The following NRXN3 variants were observed in gnomAD, a reference collection of about 807,000 sequenced individuals.
The protein encoded by NRXN3 is neurexin 3, also known as neurexin III.
NRXN3 carries 32 observed loss-of-function variants against 137.6 expected under a neutral mutation model. The observed-to-expected ratio is 0.23, with a 90% CI of 0.18 to 0.31. The LOEUF (loss-of-function observed/expected upper bound fraction) is 0.31. Among genes scored for constraint, NRXN3 ranks in the 10% least tolerant of loss-of-function variants. NRXN3 has a pLI of 1.00. For missense variants in NRXN3, 1,574 were observed against 2,062.5 expected, an observed-to-expected ratio of 0.76 and a Z score of 4.59; for synonymous variants, 798 against 784.5, an observed-to-expected ratio of 1.02 and a Z score of -0.29.
intron 19 of NRXN3, among the ~76,000 whole-genome samples, chr14:79,738,455 G>A (rs1268487185): frequency 2.0e-5 from 3 of 152,032 alleles, no homozygotes; most frequent in African/African-American, 7.2e-5. Flanking sequence ...CTCTTTTAGG[G>A]TCTTCAGAGA....
intron 16 of NRXN3, among the ~76,000 whole-genome samples, chr14:79,481,409 T>TA (rs1161237976): frequency 3.3e-5 from 5 of 152,182 alleles, no homozygotes; most frequent in Non-Finnish European, 7.4e-5. Context: ...GTGAACATCA[T>TA]AGAGTGTACT....
intron 16 of NRXN3, among the ~76,000 whole-genome samples, chr14:79,523,540 A>G (rs1249814707): frequency 6.6e-6 from 1 of 152,236 alleles, no homozygotes; most frequent in African/African-American, 2.4e-5. Flanking sequence ...AAAGAAAAAA[A>G]TGGCACTCAC....
At chr14:79,276,241 C>G (rs950119236) in intron 15 of NRXN3, among the ~76,000 whole-genome samples, 1 of 151,920 alleles carries the variant, frequency 6.6e-6, no homozygotes, top group African/African-American at 2.4e-5. Context: ...AGAACAGGAT[C>G]CAGAAAAGAA....
At chr14:78,784,100 A>G (rs999229598) in intron 8 of NRXN3, among the ~76,000 whole-genome samples, 9 of 151,926 alleles carry the variant, frequency 5.9e-5, no homozygotes, top group African/African-American at 2.2e-4. Flanking sequence ...AACAAAATTA[A>G]TTAGATATTT....
chr14:79,476,249 T>C (rs953240879), intron 16 of NRXN3, among the ~76,000 whole-genome samples: 3 of 152,100 alleles, frequency 2.0e-5, no homozygotes, highest in African/African-American at 4.8e-5. Context: ...TAGATCCTGG[T>C]GCTGTCACTG....
At chr14:78,366,953 C>A (rs773721301) in intron 4 of NRXN3, among the ~76,000 whole-genome samples, 19 of 152,158 alleles carry the variant, frequency 1.2e-4, no homozygotes, top group Admixed American at 5.2e-4. Context: ...TCAGGGATGA[C>A]AATCAATGTC....
intron 1 of NRXN3, among the ~76,000 whole-genome samples, chr14:78,194,301 A>G (rs1400150811): frequency 2.7e-5 from 4 of 150,328 alleles, no homozygotes; most frequent in African/African-American, 4.9e-5. Context: ...GGTGCTCCTT[A>G]TGTCTGCCCA....
intron 20 of NRXN3, among the ~76,000 whole-genome samples, chr14:79,820,278 C>A (rs2099267503): frequency 6.6e-6 from 1 of 152,134 alleles, no homozygotes; most frequent in African/African-American, 2.4e-5. Context: ...CTCCTGCCTG[C>A]ATTGCGAGCA....
intron 4 of NRXN3, among the ~76,000 whole-genome samples, chr14:78,311,304 C>T (rs780029267): frequency 6.6e-6 from 1 of 152,144 alleles, no homozygotes; most frequent in Non-Finnish European, 1.5e-5. Flanking sequence ...AGTTAAGTAA[C>T]TTCTTAGCAG....
intron 4 of NRXN3, among the ~76,000 whole-genome samples, chr14:78,556,800 T>C (rs890633883): frequency 2.6e-5 from 4 of 152,034 alleles, no homozygotes; most frequent in South Asian, 2.1e-4. Context: ...ATTGTGATCA[T>C]TGGGCTTCTC....
chr14:78,311,051 CTG>C (rs2077922032), intron 4 of NRXN3, among the ~76,000 whole-genome samples: 1 of 152,132 alleles, frequency 6.6e-6, no homozygotes, highest in Admixed American at 6.5e-5. Context: ...TTTTGACTAT[CTG>C]TGTTTTTACC....
chr14:79,856,585 C>G (rs1462545679), intron 20 of NRXN3, among the ~76,000 whole-genome samples: 1 of 150,842 alleles, frequency 6.6e-6, no homozygotes, highest in Non-Finnish European at 1.5e-5. Flanking sequence ...TCCAGAGAGG[C>G]AAGTGTTGAA....
At chr14:79,381,932 T>A (rs2094481537) in intron 15 of NRXN3, among the ~76,000 whole-genome samples, 1 of 152,200 alleles carries the variant, frequency 6.6e-6, no homozygotes, top group African/African-American at 2.4e-5. Context: ...GCCTGCCACA[T>A]TATCCTCTGA....
rs1255827073 is a variant in NRXN3 at position 79,864,132 on chromosome 14, G to A, written c.*2168G>A. The A allele has an allele frequency of 6.6e-6, 1 of 152,574 alleles. No individual in the cohort carries two copies. Among genetic ancestry groups the A allele is most frequent in the African/African-American group, 2.4e-5 (1 of 41,448 alleles). 9.5% of individuals were successfully genotyped at this position (152,574 alleles called of 1,614,324 possible). A position where few individuals can be genotyped will look rare whatever the true frequency, so the allele number is the denominator to read the frequency against. On this transcript the variant is annotated 3_prime_UTR_variant, in exon 21 of 21. Transcript: ENST00000335750. ...TGTCTGTAAAAGATTGCTGTTCTTGGAGTCTTGAGGTCTTGTGAATTGATT... is the reference window on the plus strand; with the variant it reads ...TGTCTGTAAAAGATTGCTGTTCTTGAAGTCTTGAGGTCTTGTGAATTGATT...
chr14:79,096,905 C>T (rs2152828123), intron 15 of NRXN3, among the ~76,000 whole-genome samples: 1 of 152,188 alleles, frequency 6.6e-6, no homozygotes, highest in Non-Finnish European at 1.5e-5. Context: ...TGAGAGTGTG[C>T]TTCAGAGAAA....
intron 10 of NRXN3, among the ~76,000 whole-genome samples, chr14:78,920,851 C>A (rs1047078051): frequency 6.6e-6 from 1 of 152,100 alleles, no homozygotes; most frequent in Non-Finnish European, 1.5e-5. Flanking sequence ...GGAAGAGGAC[C>A]CAGAGCATAG....
rs529805425 is a variant in NRXN3 at position 78,975,286 on chromosome 14, A to T, written c.3142+6940A>T. ...GTCATGGTGGTCATGGGGAGTGCTCAGGGGATATCTTCTCAGACAGAGTTT... is the reference window on the plus strand; with the variant it reads ...GTCATGGTGGTCATGGGGAGTGCTCTGGGGATATCTTCTCAGACAGAGTTT... On this transcript the variant is annotated intron_variant, in intron 14 of 20. Coordinates refer to ENST00000335750, the MANE Select transcript of NRXN3 (RefSeq NM_001330195.2). 1.8e-4 allele frequency among the ~76,000 whole-genome samples: 27 copies of T among 152,098 alleles called. No homozygotes were observed. In the East Asian group the frequency reaches 5.2e-3, roughly 29 times the overall value.
chr14:78,991,897 T>G (rs933830273), intron 15 of NRXN3, among the ~76,000 whole-genome samples: 1 of 152,182 alleles, frequency 6.6e-6, no homozygotes, highest in Non-Finnish European at 1.5e-5. Flanking sequence ...AGCCTGGATG[T>G]TTTCACTTTA....
intron 6 of NRXN3, among the ~76,000 whole-genome samples, chr14:78,698,516 A>G (rs547961385): frequency 1.3e-5 from 2 of 152,144 alleles, no homozygotes; most frequent in Non-Finnish European, 2.9e-5. Context: ...GCTCTGAGAT[A>G]CTGTCTCAAA....
Sources: gnomAD v4.1 joint callset for allele counts (sites outside exome capture counted in the v4.1 genomes callset) on GRCh38, gnomAD v4.1.1 for gene constraint, MANE v1.5 for transcripts, NCBI Gene and HGNC (gene_info 2026-07-23, HGNC 2026-07-21) for gene names.